SPZ1: variants seen among roughly 807,000 people sequenced by gnomAD.
SPZ1 encodes spermatogenic leucine zipper protein 1.
For missense variants in SPZ1, 408 were observed against 486.2 expected, an observed-to-expected ratio of 0.84 and a Z score of 1.51; for synonymous variants, 160 against 167.6, an observed-to-expected ratio of 0.95 and a Z score of 0.35.
Position 80,321,262 on chromosome 5 carries a change from G to A in SPZ1, c.1047G>A (p.Leu349=). The A allele has an allele frequency of 6.2e-7, 1 of 1,612,690 alleles. No individual in the cohort carries two copies. Among genetic ancestry groups the A allele is most frequent in the Non-Finnish European group, 8.5e-7 (1 of 1,179,698 alleles). Residue 349 remains leucine (L), a synonymous_variant, in exon 1 of 1, where the codon CTG becomes CTA. Transcript: ENST00000296739. The part of the protein sequence containing the change: ...KELHHQKQGT[L]QEKPIQINYK... The stretch of plus-strand genomic sequence containing the variant: ...TCCATCATCAGAAACAGGGAACTCT[G>A]CAAGAGAAGCCAATTCAGATAAACT...
chr5:80,320,158 A>C lies in SPZ1; in HGVS notation c.-58A>C, dbSNP rs1743523922. On this transcript the variant is annotated 5_prime_UTR_variant, in exon 1 of 1. Coordinates refer to ENST00000296739, the MANE Select transcript of SPZ1 (RefSeq NM_032567.4). Reference sequence around the variant, plus strand: ...ACAGTCTCCACCCACATTTGCACAAAGGACCATCACCTGTCCTTCCTGGAA... The same window carrying C: ...ACAGTCTCCACCCACATTTGCACAACGGACCATCACCTGTCCTTCCTGGAA... 1 of 1,368,868 alleles carries C rather than the reference A, an allele frequency of 7.3e-7. No individual in the cohort carries two copies. The highest frequency in any genetic ancestry group is 1.0e-6 in the Non-Finnish European group (1 of 998,526). 84.8% of individuals were successfully genotyped at this position (1,368,868 alleles called of 1,614,324 possible).
Position 80,320,479 on chromosome 5 carries a change from G to C in SPZ1, c.264G>C (p.Glu88Asp). 6.2e-7 allele frequency: 1 copy of C among 1,613,742 alleles called. No individual in the cohort carries two copies. Among genetic ancestry groups the C allele is most frequent in the Non-Finnish European group, 8.5e-7 (1 of 1,180,014 alleles). ...DILKNMAGFE[E>D]KITEAKELFE... ...TTAAAAATATGGCAGGTTTTGAAGA[G>C]AAGATCACAGAAGCAAAAGAACTTT... The change falls in exon 1 of 1, where the codon GAG (glutamate) becomes GAC (aspartate). Residue 88 changes from glutamate to aspartate, a missense_variant. Glu to Asp is a conservative substitution (Grantham distance 45). Transcript: ENST00000296739.
chr5:80,320,038 C>A lies in SPZ1; in HGVS notation c.-178C>A. ...GCCTTGGTCCCCTTTCCCACCCTTC[C>A]TCCCCACAAGGCTGTCTGAGATGCC... On this transcript the variant is annotated 5_prime_UTR_variant, in exon 1 of 1. Transcript: ENST00000296739. The A allele has an allele frequency of 1.8e-6, 1 of 557,328 alleles. No homozygotes were observed. Among genetic ancestry groups the A allele is most frequent in the Non-Finnish European group, 3.1e-6 (1 of 321,056 alleles). The allele number at this position is 557,328 out of a possible 1,614,324, so 34.5% of individuals were successfully genotyped here.
downstream of SPZ1, chr5:80,321,383 A>T: frequency 1.9e-6 from 3 of 1,613,868 alleles, no homozygotes; most frequent in South Asian, 3.3e-5. Context: ...ATTTTGGAAA[A>T]AAGACAGATC....
rs1301700168 is a variant in SPZ1, at chr5:80,320,347, T to C, written c.132T>C (p.Pro44=). ...TATTCGAAATTGGATCACATTCCCC[T>C]TCCTCCTGGGGCTCTCTCCCTTTCC... ...IALFEIGSHS[P]SSWGSLPFLK... Residue 44 remains proline (P), a synonymous_variant, in exon 1 of 1, where the codon CCT becomes CCC. Coordinates refer to ENST00000296739, the MANE Select transcript of SPZ1 (RefSeq NM_032567.4). 6.2e-7 allele frequency: 1 copy of C among 1,613,972 alleles called. No individual in the cohort carries two copies.
rs1273894634 is a variant in SPZ1 at position 80,320,113 on chromosome 5, T to C, written c.-103T>C. ...CAAATTTTAATCCTTAACTTTGGTC[T>C]CTGACTTCTGCTTGATTCCACAGTC... On this transcript the variant is annotated 5_prime_UTR_variant, in exon 1 of 1. Transcript: ENST00000296739. The C allele has an allele frequency of 4.4e-6, 4 of 912,476 alleles. No homozygotes were observed. The highest frequency in any genetic ancestry group is 6.6e-6 in the Non-Finnish European group (4 of 608,130). 56.5% of individuals were successfully genotyped at this position (912,476 alleles called of 1,614,324 possible).
rs1196300318 is a variant in SPZ1 at position 80,321,595 on chromosome 5, C to T, written c.*87C>T. 9.2e-7 allele frequency: 1 copy of T among 1,081,658 alleles called. No homozygotes were observed. Among genetic ancestry groups the T allele is most frequent in the Non-Finnish European group, 1.3e-6 (1 of 760,900 alleles). The allele number at this position is 1,081,658 out of a possible 1,614,324, so 67.0% of individuals were successfully genotyped here. A position where few individuals can be genotyped will look rare whatever the true frequency, so the allele number is the denominator to read the frequency against. ...TGTCAGTCATGATCAATCATCAAACCTTGGGCAGATCTGCTGGTTCAACCA... is the reference window on the plus strand; with the variant it reads ...TGTCAGTCATGATCAATCATCAAACTTTGGGCAGATCTGCTGGTTCAACCA... On this transcript the variant is annotated 3_prime_UTR_variant, in exon 1 of 1. Transcript: ENST00000296739.
In SPZ1 at chr5:80,320,674, T is replaced by C. The variant is rs55723904; in HGVS notation, c.459T>C (p.Asp153=). The change falls in exon 1 of 1, where the codon GAT becomes GAC. Residue 153 remains aspartate (D), a synonymous_variant. Transcript: ENST00000296739. ...EMILETNITE[D]VSAHKENIRG... The stretch of plus-strand genomic sequence containing the variant: ...TATTGGAAACCAATATTACTGAGGA[T>C]GTGTCAGCCCACAAAGAAAATATCA... 6.2e-7 allele frequency: 1 copy of C among 1,613,240 alleles called. No homozygotes were observed. Among genetic ancestry groups the C allele is most frequent in the East Asian group, 2.2e-5 (1 of 44,812 alleles).
At position 80,321,502 on chromosome 5, in the gene SPZ1, A is replaced by G. The variant is rs1349619270; in HGVS notation, c.1287A>G (p.Leu429=). 1 of 1,565,352 alleles carries G rather than the reference A, an allele frequency of 6.4e-7. No individual in the cohort carries two copies. The highest frequency in any genetic ancestry group is 8.6e-7 in the Non-Finnish European group (1 of 1,164,122). Residue 429 remains leucine (L), a synonymous_variant, in exon 1 of 1, where the codon CTA becomes CTG. Transcript: ENST00000296739. The stretch of plus-strand genomic sequence containing the variant: ...GAAAAATGAGGTCAGCTAGCAGCCT[A>G]AGATAGAAAATACCAAAAGCAGATG... ...LRGKMRSASS[L]R is the part of the protein sequence containing the mutation.
At position 80,320,808 on chromosome 5, in the gene SPZ1, A is replaced by G. The variant is rs1003458873; in HGVS notation, c.593A>G (p.Asn198Ser). The G allele has an allele frequency of 1.2e-6, 2 of 1,614,214 alleles. No individual in the cohort carries two copies. Among genetic ancestry groups the G allele is most frequent in the Non-Finnish European group, 1.7e-6 (2 of 1,180,044 alleles). Residue 198 changes from asparagine (N) to serine (S), a missense_variant, in exon 1 of 1, where the codon AAC becomes AGC. Asn to Ser is a conservative substitution (Grantham distance 46, BLOSUM62 1). Coordinates refer to ENST00000296739, the MANE Select transcript of SPZ1 (RefSeq NM_032567.4). ...CAGCAGATGATAATGGAAAACCAGA[A>G]CTCTGAGAACACCGCACAAGTTTTT... ...KKQQMIMENQ[N>S]SENTAQVFAR...
At position 80,321,807 on chromosome 5, in the gene SPZ1, G is replaced by T; in HGVS notation, c.*299G>T. The T allele has an allele frequency of 5.0e-6, 1 of 201,814 alleles. No homozygotes were observed. 12.5% of individuals were successfully genotyped at this position (201,814 alleles called of 1,614,324 possible). A position where few individuals can be genotyped will look rare whatever the true frequency, so the allele number is the denominator to read the frequency against. On this transcript the variant is annotated 3_prime_UTR_variant, in exon 1 of 1. Coordinates refer to ENST00000296739, the MANE Select transcript of SPZ1 (RefSeq NM_032567.4). ...AGTGAGAAGTTAAAGGTCCAATTAA[G>T]TAAAGATCTAAATAAAAACCAGAAT... is the stretch of plus-strand genomic sequence containing the variant.
At position 80,320,555 on chromosome 5, in the gene SPZ1, A is replaced by G. The variant is rs763476813; in HGVS notation, c.340A>G (p.Arg114Gly). Residue 114 changes from arginine to glycine, a missense_variant, in exon 1 of 1, where the codon AGA becomes GGA. Coordinates refer to ENST00000296739, the MANE Select transcript of SPZ1 (RefSeq NM_032567.4). Reference protein sequence around the residue: ...EDVSAHKENIRGLDKINEMLS... With the variant: ...EDVSAHKENIGGLDKINEMLS... ...TGTGTCAGCCCACAAAGAAAATATC[A>G]GAGGACTTGACAAAATCAATGAAAT... The G allele has an allele frequency of 3.6e-5, 58 of 1,608,492 alleles. 1 individual carries two copies. Among genetic ancestry groups the G allele is most frequent in the Non-Finnish European group, 4.6e-5 (54 of 1,177,704 alleles).
chr5:80,321,665 T>G lies in SPZ1; in HGVS notation c.*157T>G. ...GGAGATTGACACTTATATTACTCAT[T>G]ACTTCAGCAGTTATGTAAGTCTGGT... On this transcript the variant is annotated 3_prime_UTR_variant, in exon 1 of 1. Transcript: ENST00000296739. 1.8e-6 allele frequency: 1 copy of G among 546,042 alleles called. No individual in the cohort carries two copies. The allele number at this position is 546,042 out of a possible 1,614,324, so 33.8% of individuals were successfully genotyped here. A position where few individuals can be genotyped will look rare whatever the true frequency, so the allele number is the denominator to read the frequency against.
rs1480351821 is a variant in SPZ1, at chr5:80,321,568, C to T, written c.*60C>T. On this transcript the variant is annotated 3_prime_UTR_variant, in exon 1 of 1. Coordinates refer to ENST00000296739, the MANE Select transcript of SPZ1 (RefSeq NM_032567.4). ...AAAAAACTACATCTGTTACCTCCAA[C>T]TTGTCAGTCATGATCAATCATCAAA... is the stretch of plus-strand genomic sequence containing the variant. The T allele has an allele frequency of 1.6e-5, 21 of 1,334,824 alleles. No homozygotes were observed. In the East Asian group the frequency reaches 4.7e-4, roughly 30 times the overall value. The allele number at this position is 1,334,824 out of a possible 1,614,324, so 82.7% of individuals were successfully genotyped here. A position where few individuals can be genotyped will look rare whatever the true frequency, so the allele number is the denominator to read the frequency against.
At position 80,320,023 on chromosome 5, in the gene SPZ1, C is replaced by G. The variant is rs1017847663; in HGVS notation, c.-193C>G. The G allele has an allele frequency of 7.4e-6, 4 of 540,118 alleles. No individual in the cohort carries two copies. Among genetic ancestry groups the G allele is most frequent in the Admixed American group, 7.1e-5 (2 of 28,006 alleles). The allele number at this position is 540,118 out of a possible 1,614,324, so 33.5% of individuals were successfully genotyped here. A position where few individuals can be genotyped will look rare whatever the true frequency, so the allele number is the denominator to read the frequency against. On this transcript the variant is annotated 5_prime_UTR_variant, in exon 1 of 1. Coordinates refer to ENST00000296739, the MANE Select transcript of SPZ1 (RefSeq NM_032567.4). ...AGAGATGGAGCCCCAGCCTTGGTCC[C>G]CTTTCCCACCCTTCCTCCCCACAAG...
rs114915340 is a variant in SPZ1 at position 80,321,116 on chromosome 5, C to G, written c.901C>G (p.His301Asp). Reference sequence around the variant, plus strand: ...GCCAAATAATGAAGTGTCGGCTAAGCATGAGCTGGAGGAACAGGTGAAGAA... The same window carrying G: ...GCCAAATAATGAAGTGTCGGCTAAGGATGAGCTGGAGGAACAGGTGAAGAA... ...TQPNNEVSAK[H>D]ELEEQVKKLS... Residue 301 changes from histidine (H) to aspartate (D), a missense_variant, in exon 1 of 1, where the codon CAT (histidine) becomes GAT (aspartate). Coordinates refer to ENST00000296739, the MANE Select transcript of SPZ1 (RefSeq NM_032567.4). 1.3e-3 allele frequency: 2,157 copies of G among 1,613,614 alleles called. 20 individuals carry two copies. In the African/African-American group the frequency reaches 0.025, roughly 18 times the overall value.
At position 80,320,901 on chromosome 5, in the gene SPZ1, A is replaced by G. The variant is rs1398921648; in HGVS notation, c.686A>G (p.Lys229Arg). The change falls in exon 1 of 1, where the codon AAA becomes AGA. Residue 229 changes from lysine to arginine, a missense_variant. Lys to Arg is a conservative substitution (Grantham distance 26, BLOSUM62 2). Coordinates refer to ENST00000296739, the MANE Select transcript of SPZ1 (RefSeq NM_032567.4). Reference sequence around the variant, plus strand: ...AACGAAACTCAACAAAGTCAGGAAAAAGCAAAAAACAGACTTAATGTTCAA... The same window carrying G: ...AACGAAACTCAACAAAGTCAGGAAAGAGCAAAAAACAGACTTAATGTTCAA... ...VLNETQQSQE[K>R]AKNRLNVQEE... The G allele has an allele frequency of 6.2e-7, 1 of 1,609,502 alleles. No individual in the cohort carries two copies. Among genetic ancestry groups the G allele is most frequent in the East Asian group, 2.2e-5 (1 of 44,864 alleles).
chr5:80,321,654 A>G lies in SPZ1; in HGVS notation c.*146A>G, dbSNP rs768196974. 1.9e-5 allele frequency: 11 copies of G among 575,576 alleles called. No individual in the cohort carries two copies. Among genetic ancestry groups the G allele is most frequent in the Non-Finnish European group, 3.0e-5 (10 of 330,874 alleles). The allele number at this position is 575,576 out of a possible 1,614,324, so 35.7% of individuals were successfully genotyped here. On this transcript the variant is annotated 3_prime_UTR_variant, in exon 1 of 1. Transcript: ENST00000296739. ...CTATAGAATAAGGAGATTGACACTT[A>G]TATTACTCATTACTTCAGCAGTTAT...
In SPZ1 at chr5:80,321,448, T is replaced by C. The variant is rs532880883; in HGVS notation, c.1233T>C (p.Asn411=). ...AGAAAGCTTGCAATACCCAGTTCAA[T>C]ATTCATGTTGCAAGAAAAGCTCTTA... ...LNKKACNTQF[N]IHVARKALRG... The change falls in exon 1 of 1, where the codon AAT becomes AAC. Residue 411 remains asparagine (N), a synonymous_variant. Transcript: ENST00000296739. The C allele has an allele frequency of 8.1e-6, 13 of 1,598,158 alleles. No homozygotes were observed. In the South Asian group the frequency reaches 1.3e-4, roughly 15 times the overall value.
Sources: allele counts gnomAD v4.1 joint callset, GRCh38; gene constraint gnomAD v4.1.1; transcripts MANE v1.5; gene names NCBI Gene and HGNC (gene_info 2026-07-23, HGNC 2026-07-21).